The following IMMP2L variants were observed in gnomAD, a reference collection of about 807,000 sequenced individuals.
IMMP2L encodes mitochondrial inner membrane protease subunit 2.
Under a neutral mutation model 19.3 loss-of-function variants are expected in IMMP2L, and 18 were observed. The observed-to-expected ratio is 0.93, with a 90% CI of 0.64 to 1.38. The LOEUF (loss-of-function observed/expected upper bound fraction) is 1.38, where lower values mean the gene tolerates loss of function less well. IMMP2L is among the 40% of genes most tolerant of loss of function. The pLI, the probability that IMMP2L is intolerant of heterozygous loss-of-function variation, is 0.00. For missense variants in IMMP2L, 233 were observed against 218.2 expected, an observed-to-expected ratio of 1.07 and a Z score of -0.43; for synonymous variants, 76 against 73.0, an observed-to-expected ratio of 1.04 and a Z score of -0.21.
intron 3 of IMMP2L, among the ~76,000 whole-genome samples, chr7:111,049,493 A>G (rs1215309271): frequency 6.6e-6 from 1 of 152,064 alleles, no homozygotes; most frequent in African/African-American, 2.4e-5. Context: ...TAGCTAAGTG[A>G]CCTTTTAGTT....
intron 3 of IMMP2L, among the ~76,000 whole-genome samples, chr7:110,982,117 A>T (rs891109933): frequency 2.0e-5 from 3 of 152,186 alleles, no homozygotes; most frequent in African/African-American, 7.2e-5. Context: ...AAATTTATTA[A>T]TATATGCATC....
intron 3 of IMMP2L, among the ~76,000 whole-genome samples, chr7:111,109,452 T>C (rs1798932061): frequency 6.6e-6 from 1 of 152,140 alleles, no homozygotes; most frequent in African/African-American, 2.4e-5. Flanking sequence ...GAGTAAGACA[T>C]AGGTCTAGAC....
intron 5 of IMMP2L, among the ~76,000 whole-genome samples, chr7:110,865,848 A>T (rs1047364915): frequency 2.0e-5 from 3 of 147,174 alleles, no homozygotes; most frequent in East Asian, 2.0e-4. Context: ...CTCCAAACTA[A>T]TTTTTTTTTT....
At chr7:110,831,127 G>A (rs1803935521) in intron 5 of IMMP2L, among the ~76,000 whole-genome samples, 1 of 152,040 alleles carries the variant, frequency 6.6e-6, no homozygotes, top group African/African-American at 2.4e-5. Context: ...TGTGGACTGG[G>A]GTCGTTCTCA....
At position 111,487,324 on chromosome 7, in the gene IMMP2L, C is replaced by T. The variant is rs746942988; in HGVS notation, c.153G>A (p.Gly51=). ...GCACCACATCAGATGACTGGCTCCC[C>T]CCAGGATTCAAAGAAGGCTAGAAAA... ...GASMQPSLNP[G]GSQSSDVVLL... The change falls in exon 3 of 6, where the codon GGG becomes GGA. Residue 51 remains glycine (G), a synonymous_variant. Transcript: ENST00000405709. 70 of 1,604,816 alleles carry T rather than the reference C, an allele frequency of 4.4e-5. 1 individual carries two copies. In the South Asian group the frequency reaches 7.5e-4, roughly 17 times the overall value.
chr7:110,856,841 C>T (rs1806833987), intron 5 of IMMP2L, among the ~76,000 whole-genome samples: 1 of 152,014 alleles, frequency 6.6e-6, no homozygotes, highest in African/African-American at 2.4e-5. Context: ...GCTTGGTGTT[C>T]ATTAAACAGC....
rs182502799 is a variant in IMMP2L, at chr7:110,690,210, G to C, written c.409-26489C>G. ...TCTAAGAATCTCCCAAACTGTGACA[G>C]CTTCACATTTTGAGTGCATCGTTCT... On this transcript the variant is annotated intron_variant, in intron 5 of 5. Transcript: ENST00000405709. Among the ~76,000 whole-genome samples the C allele has an allele frequency of 1.6e-4, 25 of 152,252 alleles. No homozygotes were observed. The East Asian group carries it at 3.9e-3, about 24-fold the overall frequency.
intron 5 of IMMP2L, among the ~76,000 whole-genome samples, chr7:110,808,238 C>A (rs1801764819): frequency 2.0e-5 from 3 of 151,966 alleles, no homozygotes; most frequent in African/African-American, 4.8e-5. Flanking sequence ...AGGATAATTT[C>A]ATTTTTACTT....
rs897381719 is a variant in IMMP2L at position 110,920,249 on chromosome 7, T to C, written c.306-33554A>G. On this transcript the variant is annotated intron_variant, in intron 4 of 5. Coordinates refer to ENST00000405709, the MANE Select transcript of IMMP2L (RefSeq NM_032549.4). ...CTCCTTAATAAACTCCCCATTTATATATACATGTATCCTATTAGTTCTGTC... is the reference window on the plus strand; with the variant it reads ...CTCCTTAATAAACTCCCCATTTATACATACATGTATCCTATTAGTTCTGTC... Among the ~76,000 whole-genome samples the C allele has an allele frequency of 2.6e-5, 4 of 152,190 alleles. No individual in the cohort carries two copies. The South Asian group carries it at 6.2e-4, about 24-fold the overall frequency.
intron 4 of IMMP2L, among the ~76,000 whole-genome samples, chr7:110,941,290 A>G (rs1816708841): frequency 6.6e-6 from 1 of 152,156 alleles, no homozygotes; most frequent in African/African-American, 2.4e-5. Context: ...CATGCCATAT[A>G]ACTTCTGTTG....
intron 3 of IMMP2L, among the ~76,000 whole-genome samples, chr7:111,187,457 T>C (rs1808393868): frequency 6.6e-6 from 1 of 152,080 alleles, no homozygotes; most frequent in Admixed American, 6.5e-5. Flanking sequence ...TAAAAGCCAA[T>C]TGCACTCTTA....
intron 3 of IMMP2L, chr7:111,122,639 A>G: frequency 1.4e-6 from 1 of 691,650 alleles, no homozygotes; most frequent in Non-Finnish European, 2.4e-6. Flanking sequence ...AGTGAAGAAA[A>G]ACTTTGTGGT....
intron 3 of IMMP2L, chr7:111,122,788 C>T: frequency 6.2e-7 from 1 of 1,612,618 alleles, no homozygotes; most frequent in Non-Finnish European, 8.5e-7. Flanking sequence ...GGACATGCCA[C>T]TCCGAATTCA....
chr7:111,445,845 T>C (rs1409244107), intron 3 of IMMP2L, among the ~76,000 whole-genome samples: 1 of 151,988 alleles, frequency 6.6e-6, no homozygotes, highest in African/African-American at 2.4e-5. Context: ...GGCCAGTGGG[T>C]GCGCGCACCG....
intron 3 of IMMP2L, among the ~76,000 whole-genome samples, chr7:111,167,845 C>T (rs554809907): frequency 6.6e-6 from 1 of 152,024 alleles, no homozygotes; most frequent in Admixed American, 6.6e-5. Flanking sequence ...TAAGATTTGG[C>T]TTCTGAGCTA....
chr7:111,458,707 A>G (rs1430041113), intron 3 of IMMP2L, among the ~76,000 whole-genome samples: 2 of 151,962 alleles, frequency 1.3e-5, no homozygotes, highest in Non-Finnish European at 2.9e-5. Flanking sequence ...ATTCTCCTTC[A>G]TCTTGATTCA....
At chr7:110,994,517 G>A (rs962178656) in intron 3 of IMMP2L, among the ~76,000 whole-genome samples, 6 of 152,048 alleles carry the variant, frequency 3.9e-5, no homozygotes, top group Non-Finnish European at 7.4e-5. Flanking sequence ...TATGCCCTCC[G>A]CTTCTTTCTC....
chr7:111,028,894 A>C lies in IMMP2L; in HGVS notation c.240-65329T>G, dbSNP rs377119728. On this transcript the variant is annotated intron_variant, in intron 3 of 5. Transcript: ENST00000405709. The stretch of plus-strand genomic sequence containing the variant: ...ACTGTGAAAACTAAGCTGCAAAATA[A>C]GATTTTCTTCAAATGTCACTGGACT... Among the ~76,000 whole-genome samples the C allele has an allele frequency of 3.9e-5, 6 of 152,334 alleles. No homozygotes were observed. The East Asian group carries it at 7.7e-4, about 20-fold the overall frequency.
chr7:111,144,638 G>C (rs1241787611), intron 3 of IMMP2L, among the ~76,000 whole-genome samples: 1 of 151,884 alleles, frequency 6.6e-6, no homozygotes, highest in Non-Finnish European at 1.5e-5. Context: ...AATCCACGGG[G>C]GACAGAAATT....
Sources: allele counts gnomAD v4.1 joint callset (sites outside exome capture counted in the v4.1 genomes callset), GRCh38; gene constraint gnomAD v4.1.1; transcripts MANE v1.5; gene names NCBI Gene and HGNC (gene_info 2026-07-23, HGNC 2026-07-21).